The following STAM variants were observed in gnomAD, a reference collection of about 807,000 sequenced individuals.
STAM encodes the protein signal transducing adaptor molecule.
STAM carries 16 observed loss-of-function variants against 63.4 expected under a neutral mutation model. The observed-to-expected ratio is 0.25, with a 90% confidence interval of 0.17 to 0.38. The LOEUF (loss-of-function observed/expected upper bound fraction) is 0.38, where lower values mean the gene tolerates loss of function less well. Ranked by LOEUF, STAM falls within the 10% of genes least tolerant of loss-of-function variation. The probability of loss-of-function intolerance (pLI) is 1.00; values close to 1 mark genes in which losing one functional copy is unlikely to be tolerated. For synonymous variants in STAM, 238 were observed against 223.9 expected, an observed-to-expected ratio of 1.06 and a Z score of -0.56; for missense variants, 636 against 657.1, an observed-to-expected ratio of 0.97 and a Z score of 0.35.
At chr10:17,659,942 AAAC>A (rs1554822666) in intron 1 of STAM, among the ~76,000 whole-genome samples, 1 of 152,188 alleles carries the variant, frequency 6.6e-6, no homozygotes, top group Non-Finnish European at 1.5e-5. Context: ...TTCTTAGGAT[AAAC>A]AACAGGCAGT....
intron 1 of STAM, 146 bp downstream of exon 1, chr10:17,644,525 G>T: frequency 1.1e-6 from 1 of 940,166 alleles, no homozygotes. Context: ...TCAGAGCTGG[G>T]AGGAGGTTGA....
At chr10:17,714,005 C>T (rs1836684346) in intron 13 of STAM, among the ~76,000 whole-genome samples, 2 of 152,160 alleles carry the variant, frequency 1.3e-5, no homozygotes, top group Non-Finnish European at 2.9e-5. Context: ...CCTGCTGTTC[C>T]TTGAACATGC....
At chr10:17,675,421 T>A (rs1428332473) in intron 2 of STAM, among the ~76,000 whole-genome samples, 1 of 151,812 alleles carries the variant, frequency 6.6e-6, no homozygotes, top group Non-Finnish European at 1.5e-5. Context: ...GGAGAATTGC[T>A]TGAACCCGGG....
intron 2 of STAM, among the ~76,000 whole-genome samples, chr10:17,679,077 C>T (rs916756845): frequency 1.3e-5 from 2 of 151,996 alleles, no homozygotes; most frequent in African/African-American, 2.4e-5. Context: ...CATGGGTGTA[C>T]GGATATTGGT....
At chr10:17,658,528 C>T (rs1461372837) in intron 1 of STAM, among the ~76,000 whole-genome samples, 1 of 119,230 alleles carries the variant, frequency 8.4e-6, no homozygotes, top group Non-Finnish European at 1.8e-5. Flanking sequence ...TCCATTTCTT[C>T]TTTTTTTGGT....
chr10:17,684,477 T>C (rs1245759689), intron 2 of STAM, among the ~76,000 whole-genome samples, 198 bp from the exon 3 acceptor site: 1 of 152,052 alleles, frequency 6.6e-6, no homozygotes, highest in African/African-American at 2.4e-5. Context: ...CGATTACTAA[T>C]AAGAGAGCCT....
intron 2 of STAM, among the ~76,000 whole-genome samples, chr10:17,663,675 G>A (rs781971654): frequency 1.2e-4 from 19 of 152,018 alleles, no homozygotes; most frequent in Non-Finnish European, 2.2e-4. Flanking sequence ...GTGCATAAAT[G>A]GGATATCTTG....
chr10:17,680,940 A>G (rs1171716866), intron 2 of STAM, among the ~76,000 whole-genome samples: 2 of 152,156 alleles, frequency 1.3e-5, no homozygotes, highest in Non-Finnish European at 2.9e-5. Context: ...GTATACCACT[A>G]TCTCCTCCAG....
intron 7 of STAM, chr10:17,696,130 T>C (rs1835744438): frequency 6.6e-6 from 1 of 152,220 alleles, no homozygotes; most frequent in Non-Finnish European, 1.5e-5. Flanking sequence ...CCTGTGAATT[T>C]TGGGAAGACA....
At chr10:17,680,901 TA>T (rs1346367798) in intron 2 of STAM, among the ~76,000 whole-genome samples, 1 of 152,234 alleles carries the variant, frequency 6.6e-6, no homozygotes, top group African/African-American at 2.4e-5. Context: ...GCCTTTTAGC[TA>T]TTGTGAATAA....
chr10:17,711,845 A>G (rs1038501722), intron 13 of STAM, among the ~76,000 whole-genome samples: 1 of 152,238 alleles, frequency 6.6e-6, no homozygotes, highest in Admixed American at 6.5e-5. Flanking sequence ...AAAGGGCTTT[A>G]AATGGCAGTA....
intron 1 of STAM, among the ~76,000 whole-genome samples, chr10:17,655,056 A>G (rs1442041410): frequency 6.6e-6 from 1 of 152,222 alleles, no homozygotes; most frequent in African/African-American, 2.4e-5. Context: ...TTTTCTAAAT[A>G]CATCGGGAAG....
intron 8 of STAM, 70 bp downstream of exon 8, chr10:17,696,939 G>T: frequency 7.8e-7 from 1 of 1,284,620 alleles, no homozygotes; most frequent in Non-Finnish European, 1.1e-6. Flanking sequence ...TGAGTAAACT[G>T]AACTTTTTAG....
At chr10:17,645,382 T>G (rs1197787621) in intron 1 of STAM, among the ~76,000 whole-genome samples, 13 of 152,336 alleles carry the variant, frequency 8.5e-5, no homozygotes, top group Admixed American at 7.2e-4. Flanking sequence ...TTTTTCTTTT[T>G]AAACTCTTCC....
At chr10:17,653,279 T>C (rs1833810815) in intron 1 of STAM, among the ~76,000 whole-genome samples, 1 of 152,186 alleles carries the variant, frequency 6.6e-6, no homozygotes, top group South Asian at 2.1e-4. Context: ...AAAAACCGAA[T>C]ATTCCGCGAT....
intron 2 of STAM, among the ~76,000 whole-genome samples, chr10:17,666,890 C>T (rs1378062654): frequency 1.3e-5 from 2 of 152,164 alleles, no homozygotes; most frequent in Non-Finnish European, 2.9e-5. Context: ...ATCATATCCT[C>T]ATTTTACAGG....
At chr10:17,654,758 T>G (rs74790963) in intron 1 of STAM, among the ~76,000 whole-genome samples, 9,055 of 152,290 alleles carry the variant, frequency 0.059, 366 homozygotes, top group Middle Eastern at 0.13. Context: ...AAACTGCTTT[T>G]ACATATTGGT....
At chr10:17,693,125 C>A in intron 5 of STAM, 97 bp from the exon 6 acceptor site, 3 of 958,652 alleles carry the variant, frequency 3.1e-6, no homozygotes, top group South Asian at 1.5e-5. Flanking sequence ...GAAATCTGTG[C>A]TAGATTGATG....
intron 11 of STAM, 95 bp downstream of exon 11, chr10:17,705,119 A>G (rs1246586649): frequency 2.0e-6 from 2 of 1,013,898 alleles, no homozygotes; most frequent in Non-Finnish European, 3.0e-6. Context: ...TAAAAAAAAA[A>G]TATTGTGGAG....
Sources: allele counts gnomAD v4.1 joint callset (sites outside exome capture counted in the v4.1 genomes callset), GRCh38; gene constraint gnomAD v4.1.1; transcripts MANE v1.5; gene names NCBI Gene and HGNC (gene_info 2026-07-23, HGNC 2026-07-21).